PPP4R3B: variants seen among roughly 807,000 people sequenced by gnomAD.
PPP4R3B encodes protein phosphatase 4 regulatory subunit 3B, also known as serine/threonine-protein phosphatase 4 regulatory subunit 3B.
PPP4R3B carries 52 observed loss-of-function variants against 95.4 expected under a neutral mutation model. The observed-to-expected ratio is 0.54, with a 90% confidence interval of 0.44 to 0.69. The LOEUF is 0.69. PPP4R3B is among the 30% of genes least tolerant of loss of function. The pLI is 0.00. For synonymous variants in PPP4R3B, 407 were observed against 343.9 expected, an observed-to-expected ratio of 1.18 and a Z score of -2.03; for missense variants, 1,003 against 1,005.9, an observed-to-expected ratio of 1.00 and a Z score of 0.04.
intron 16 of PPP4R3B, among the ~76,000 whole-genome samples, chr2:55,551,425 G>A (rs1043565771): frequency 1.3e-5 from 2 of 152,066 alleles, no homozygotes; most frequent in Admixed American, 1.3e-4. Context: ...AATTGGTATA[G>A]TAGTATTTAG....
chr2:55,559,605 G>A (rs1686331454), intron 15 of PPP4R3B, among the ~76,000 whole-genome samples: 1 of 152,086 alleles, frequency 6.6e-6, no homozygotes, highest in Admixed American at 6.5e-5. Context: ...TCCAAAGGGT[G>A]GCACTTCCCC....
At position 55,599,034 on chromosome 2, in the gene PPP4R3B, T is replaced by A; in HGVS notation, c.303A>T (p.Gln101His). Residue 101 changes from glutamine to histidine, a missense_variant, in exon 4 of 17, where the codon CAA becomes CAT. By Grantham distance (24) the Gln-to-His change is conservative. Coordinates refer to ENST00000616407, the MANE Select transcript of PPP4R3B (RefSeq NM_001122964.3). ...DEIWEKICQVQGKDPSVEVTQ... is the reference protein window; with the variant it reads ...DEIWEKICQVHGKDPSVEVTQ... ...TGACTTCCACTGATGGGTCTTTACCTTGAACCTAAAAATATCCAAGTATAC... is the reference window on the plus strand; with the variant it reads ...TGACTTCCACTGATGGGTCTTTACCATGAACCTAAAAATATCCAAGTATAC... 1 of 1,597,080 alleles carries A rather than the reference T, an allele frequency of 6.3e-7. No individual in the cohort carries two copies. Among genetic ancestry groups the A allele is most frequent in the Non-Finnish European group, 8.5e-7 (1 of 1,174,506 alleles).
chr2:55,591,670 C>A (rs764230249), intron 4 of PPP4R3B: 1 of 984,270 alleles, frequency 1.0e-6, no homozygotes, highest in Non-Finnish European at 1.2e-6. Flanking sequence ...TTATATGATT[C>A]GGTACTTGTG....
chr2:55,580,568 A>C (rs1423471384), intron 8 of PPP4R3B, among the ~76,000 whole-genome samples: 2 of 152,218 alleles, frequency 1.3e-5, no homozygotes, highest in African/African-American at 4.8e-5. Context: ...ATTCTATCTA[A>C]ATTTTAAAAA....
At chr2:55,554,134 G>A (rs374635684) in intron 16 of PPP4R3B, among the ~76,000 whole-genome samples, 38 of 152,090 alleles carry the variant, frequency 2.5e-4, no homozygotes, top group African/African-American at 8.4e-4. Context: ...ATGTGATCTC[G>A]GCTTATTGCA....
At position 55,578,319 on chromosome 2, in the gene PPP4R3B, A is replaced by G; in HGVS notation, c.1492T>C (p.Tyr498His). Residue 498 changes from tyrosine to histidine, a missense_variant, in exon 10 of 17, where the codon TAT becomes CAT. This residue lies in a region of PPP4R3B where 695 missense variants were observed against 686.2 expected (regional missense o/e 1.01). Transcript: ENST00000616407. ...EKDFFLKHYRYSWSFICTPSH... is the reference protein window; with the variant it reads ...EKDFFLKHYRHSWSFICTPSH... The stretch of plus-strand genomic sequence containing the variant: ...GGGGTACATATGAAACTCCAACTAT[A>G]TCTGTAATGTTTTAAAAAAAAATCT... 6.9e-7 allele frequency: 1 copy of G among 1,456,542 alleles called. No homozygotes were observed. Among genetic ancestry groups the G allele is most frequent in the Non-Finnish European group, 9.1e-7 (1 of 1,103,714 alleles). 90.2% of individuals were successfully genotyped at this position (1,456,542 alleles called of 1,614,324 possible).
rs147481058 is a variant in PPP4R3B at position 55,553,198 on chromosome 2, C to G, written c.2455-3192G>C. On this transcript the variant is annotated intron_variant, in intron 16 of 16. Transcript: ENST00000616407. ...GGCAAAGTAAAGGGCATGGGTAAGG[C>G]CAGGCTGAAAATGAAAGAATAAATT... 1.6e-4 allele frequency among the ~76,000 whole-genome samples: 24 copies of G among 152,240 alleles called. No individual in the cohort carries two copies. In the East Asian group the frequency reaches 4.6e-3, roughly 29 times the overall value.
chr2:55,587,813 T>C (rs1031074685), intron 5 of PPP4R3B, among the ~76,000 whole-genome samples: 4 of 152,278 alleles, frequency 2.6e-5, no homozygotes, highest in Non-Finnish European at 5.9e-5. Flanking sequence ...TTCTCTAGTC[T>C]AAAACACCAA....
chr2:55,595,876 G>A (rs1051607640), intron 4 of PPP4R3B, among the ~76,000 whole-genome samples: 4 of 152,120 alleles, frequency 2.6e-5, no homozygotes, highest in Admixed American at 6.5e-5. Flanking sequence ...TAAGTATATA[G>A]TAGCTGCTCA....
intron 5 of PPP4R3B, among the ~76,000 whole-genome samples, chr2:55,587,701 C>T (rs527784845): frequency 1.2e-4 from 19 of 152,330 alleles, no homozygotes; most frequent in African/African-American, 4.6e-4. Flanking sequence ...ATTATGAACA[C>T]ATAGTTTCAC....
At chr2:55,596,111 CAAT>C (rs1410361829) in intron 4 of PPP4R3B, among the ~76,000 whole-genome samples, 1 of 151,950 alleles carries the variant, frequency 6.6e-6, no homozygotes, top group South Asian at 2.1e-4. Flanking sequence ...GTATACACCC[CAAT>C]AATAACAGTA....
At chr2:55,583,298 A>G (rs1022851609) in intron 7 of PPP4R3B, among the ~76,000 whole-genome samples, 8 of 152,254 alleles carry the variant, frequency 5.3e-5, no homozygotes, top group South Asian at 2.1e-4. Flanking sequence ...GAGGCAACAC[A>G]GTTTTAAAAA....
intron 16 of PPP4R3B, among the ~76,000 whole-genome samples, chr2:55,551,973 A>G (rs965047206): frequency 8.5e-5 from 13 of 152,232 alleles, no homozygotes; most frequent in African/African-American, 3.1e-4. Flanking sequence ...AGATGACAGC[A>G]AAGTTACAAA....
intron 15 of PPP4R3B, among the ~76,000 whole-genome samples, chr2:55,562,359 T>G (rs572849170): frequency 1.4e-4 from 21 of 152,094 alleles, no homozygotes; most frequent in African/African-American, 4.6e-4. Flanking sequence ...GAGGCAGAGG[T>G]TGCAGTGAGC....
intron 7 of PPP4R3B, among the ~76,000 whole-genome samples, chr2:55,583,489 G>A (rs1574800917): frequency 2.6e-5 from 4 of 152,162 alleles, no homozygotes; most frequent in Admixed American, 2.6e-4. Context: ...AAAGCTTGAA[G>A]AGTTAAGAAT....
At position 55,600,399 on chromosome 2, in the gene PPP4R3B, C is replaced by G. The variant is rs555538170; in HGVS notation, c.298-1360G>C. On this transcript the variant is annotated intron_variant, in intron 3 of 16. Coordinates refer to ENST00000616407, the MANE Select transcript of PPP4R3B (RefSeq NM_001122964.3). ...CGAGATCACACCACTGCACTCTTGC[C>G]TGGGCAACGAGAGTGAAACTCTGTC... 2.6e-5 allele frequency among the ~76,000 whole-genome samples: 3 copies of G among 114,202 alleles called. No individual in the cohort carries two copies. In the South Asian group the frequency reaches 8.7e-4, roughly 33 times the overall value. The allele number at this position is 114,202 out of a possible 152,430, so 74.9% of individuals were successfully genotyped here.
intron 2 of PPP4R3B, among the ~76,000 whole-genome samples, chr2:55,612,585 T>G (rs1483152830): frequency 6.6e-6 from 1 of 151,944 alleles, no homozygotes; most frequent in African/African-American, 2.4e-5. Flanking sequence ...TGTAATAAAT[T>G]TTTTAAAGGT....
intron 2 of PPP4R3B, chr2:55,614,263 C>T (rs1273967742): frequency 3.3e-5 from 5 of 152,236 alleles, no homozygotes; most frequent in East Asian, 1.9e-4. Context: ...TGGGCACTGA[C>T]GCTGTAAATG....
chr2:55,606,689 A>G (rs947877731), intron 2 of PPP4R3B, among the ~76,000 whole-genome samples: 1 of 151,756 alleles, frequency 6.6e-6, no homozygotes, highest in Non-Finnish European at 1.5e-5. Context: ...CGGGTGTGGT[A>G]GCAGCCACCT....
Sources: gnomAD v4.1 joint callset for allele counts (sites outside exome capture counted in the v4.1 genomes callset) on GRCh38, gnomAD v4.1.1 for gene constraint, gnomAD v4.1.1 regional missense constraint, MANE v1.5 for transcripts, NCBI Gene and HGNC (gene_info 2026-07-23, HGNC 2026-07-21) for gene names.